PEX14: variants seen among roughly 807,000 people sequenced by gnomAD.
The protein encoded by PEX14 is peroxisomal membrane protein PEX14.
A neutral mutation model predicts 49.5 loss-of-function variants in PEX14; 15 were observed. The ratio of observed to expected loss-of-function variants is 0.30; its 90% confidence interval spans 0.20 to 0.47. The LOEUF (loss-of-function observed/expected upper bound fraction) is 0.47. PEX14 is among the 20% of genes least tolerant of loss of function. PEX14 has a pLI of 1.00. For missense variants in PEX14, 398 were observed against 494.8 expected, an observed-to-expected ratio of 0.80 and a Z score of 1.86; for synonymous variants, 210 against 212.7, an observed-to-expected ratio of 0.99 and a Z score of 0.11.
chr1:10,625,642 C>T (rs771326245), intron 7 of PEX14, among the ~76,000 whole-genome samples: 16 of 152,214 alleles, frequency 1.1e-4, no homozygotes, highest in African/African-American at 2.4e-4. Flanking sequence ...GTGTTCTCCA[C>T]GGGTGGCCGG....
intron 2 of PEX14, among the ~76,000 whole-genome samples, chr1:10,515,952 A>T (rs1321440572): frequency 6.6e-6 from 1 of 152,238 alleles, no homozygotes; most frequent in Non-Finnish European, 1.5e-5. Context: ...TAGCCATGCC[A>T]GGAAACAAGA....
intron 7 of PEX14, among the ~76,000 whole-genome samples, chr1:10,625,252 C>T (rs753188860): frequency 4.0e-4 from 61 of 152,230 alleles, no homozygotes; most frequent in Non-Finnish European, 8.4e-4. Context: ...ATCAGACAGA[C>T]CGGGCCCAGG....
At chr1:10,502,213 C>T (rs549849011) in intron 2 of PEX14, among the ~76,000 whole-genome samples, 3 of 152,236 alleles carry the variant, frequency 2.0e-5, no homozygotes, top group East Asian at 3.9e-4. Context: ...GTGAAGAAAA[C>T]GTTTTTAACA....
At chr1:10,510,878 A>G (rs1436981075) in intron 2 of PEX14, among the ~76,000 whole-genome samples, 4 of 152,230 alleles carry the variant, frequency 2.6e-5, no homozygotes, top group Admixed American at 2.0e-4. Flanking sequence ...AGCAACATAA[A>G]GAGGCCATTT....
intron 1 of PEX14, among the ~76,000 whole-genome samples, chr1:10,483,760 A>AC (rs34647980): frequency 0.61 from 92,190 of 151,200 alleles, 30,081 homozygotes; most frequent in East Asian, 0.8. Flanking sequence ...AACCACTACC[A>AC]CCCTAAACCT....
chr1:10,549,960 C>T (rs141447852), intron 3 of PEX14, among the ~76,000 whole-genome samples: 8 of 152,252 alleles, frequency 5.3e-5, no homozygotes, highest in African/African-American at 1.9e-4. Context: ...TCCATCCATC[C>T]ATCTTTCCAT....
At chr1:10,588,937 A>T (rs1419183512) in intron 3 of PEX14, among the ~76,000 whole-genome samples, 1 of 152,186 alleles carries the variant, frequency 6.6e-6, no homozygotes, top group African/African-American at 2.4e-5. Context: ...GAGGAAAAAA[A>T]ATTTGTGCAT....
chr1:10,571,906 A>T (rs551912738), intron 3 of PEX14, among the ~76,000 whole-genome samples: 1 of 152,230 alleles, frequency 6.6e-6, no homozygotes, highest in Non-Finnish European at 1.5e-5. Flanking sequence ...TTGAATGTTC[A>T]TAATCAGAAA....
At position 10,629,034 on chromosome 1, in the gene PEX14, TC is replaced by T. The variant is rs1244147142; in HGVS notation, c.678-496del. Among the ~76,000 whole-genome samples the T allele has an allele frequency of 6.6e-6, 1 of 152,258 alleles. No individual in the cohort carries two copies. The highest frequency in any genetic ancestry group is 1.5e-5 in the Non-Finnish European group (1 of 68,044). On this transcript the variant is annotated intron_variant, in intron 8 of 8. Transcript: ENST00000356607. This position sits in a 1 kb window ranked among gnomAD's most constrained non-coding sequence, Gnocchi z 8.5. Reference sequence around the variant, plus strand: ...CCACCGCCCTTTTGGTTCTGATGTGTCTGACCCCCTGCCAGTGGCCAGGGCT... The same window carrying T: ...CCACCGCCCTTTTGGTTCTGATGTGTTGACCCCCTGCCAGTGGCCAGGGCT...
At chr1:10,551,426 C>G (rs1397504407) in intron 3 of PEX14, among the ~76,000 whole-genome samples, 1 of 152,154 alleles carries the variant, frequency 6.6e-6, no homozygotes, top group East Asian at 1.9e-4. Flanking sequence ...TCTCCATTAG[C>G]GTGGATGTCA....
intron 3 of PEX14, among the ~76,000 whole-genome samples, chr1:10,570,415 C>T (rs1309981198): frequency 1.3e-5 from 2 of 152,176 alleles, no homozygotes; most frequent in Admixed American, 1.3e-4. Context: ...TCACTGCAAT[C>T]TCCACCTCCC....
At chr1:10,551,659 T>C (rs1375635355) in intron 3 of PEX14, among the ~76,000 whole-genome samples, 1 of 152,238 alleles carries the variant, frequency 6.6e-6, no homozygotes, top group Non-Finnish European at 1.5e-5. Context: ...CATGTGTAGT[T>C]AGTTCTCGCT....
At chr1:10,513,229 A>AT (rs1257592673) in intron 2 of PEX14, among the ~76,000 whole-genome samples, 10 of 128,846 alleles carry the variant, frequency 7.8e-5, no homozygotes, top group South Asian at 5.1e-4. Context: ...AGGATTCCAC[A>AT]TAGAATGCTG....
chr1:10,483,928 A>T (rs1189228937), intron 1 of PEX14, among the ~76,000 whole-genome samples: 1 of 102,366 alleles, frequency 9.8e-6, no homozygotes, highest in Non-Finnish European at 2.0e-5. Flanking sequence ...TTTCATATGA[A>T]TGAATTATGT....
intron 4 of PEX14, among the ~76,000 whole-genome samples, chr1:10,612,932 C>T (rs1034756208): frequency 6.6e-5 from 10 of 152,238 alleles, no homozygotes; most frequent in African/African-American, 1.9e-4. Flanking sequence ...GGGCTGGCCC[C>T]GTTTCTACCA....
At chr1:10,576,699 A>G (rs779501732) in intron 3 of PEX14, among the ~76,000 whole-genome samples, 13 of 150,516 alleles carry the variant, frequency 8.6e-5, no homozygotes, top group African/African-American at 3.2e-4. Context: ...AGGGATATCT[A>G]TTCTGTTTTT....
Position 10,536,291 on chromosome 1 carries a change from A to C in PEX14, c.163A>C (p.Lys55Gln), listed in dbSNP as rs753472251. 2.9e-5 allele frequency: 47 copies of C among 1,594,132 alleles called. No individual in the cohort carries two copies. The highest frequency in any genetic ancestry group is 3.9e-5 in the Non-Finnish European group (45 of 1,161,658). The change falls in exon 3 of 9, where the codon AAG becomes CAG. Residue 55 changes from lysine to glutamine, a missense_variant. Physicochemically the swap from Lys to Gln is moderately conservative, Grantham distance 53. Transcript: ENST00000356607. ...TGCAACCAGGAGAGCATTCCTAAAG[A>C]AGAAAGGTACAGGTTCCACAGGGCT... ...PLATRRAFLK[K>Q]KGLTDEEIDM...
rs1051143299 is a variant in PEX14 at position 10,628,234 on chromosome 1, G to C, written c.677+871G>C. Among the ~76,000 whole-genome samples the C allele has an allele frequency of 1.3e-5, 2 of 152,234 alleles. No homozygotes were observed. The highest frequency in any genetic ancestry group is 2.4e-5 in the African/African-American group (1 of 41,470). On this transcript the variant is annotated intron_variant, in intron 8 of 8. Coordinates refer to ENST00000356607, the MANE Select transcript of PEX14 (RefSeq NM_004565.3). The surrounding 1 kb of genome is among the most constrained non-coding windows in gnomAD (Gnocchi z 4.5). ...AGGTGTGAGCCACTGTGCCTGGACTGTTCTGGTTTTTTAAAACTGAAAGTC... is the reference window on the plus strand; with the variant it reads ...AGGTGTGAGCCACTGTGCCTGGACTCTTCTGGTTTTTTAAAACTGAAAGTC...
rs1641835494 is a variant in PEX14 at position 10,629,191 on chromosome 1, G to A, written c.678-340G>A. Reference sequence around the variant, plus strand: ...CTCCTGGCCACTGGGTTGGAGGCAGGGATGGTGCTGAGGATCAGAAGGAAG... The same window carrying A: ...CTCCTGGCCACTGGGTTGGAGGCAGAGATGGTGCTGAGGATCAGAAGGAAG... On this transcript the variant is annotated intron_variant, in intron 8 of 8. Transcript: ENST00000356607. The surrounding 1 kb of genome is among the most constrained non-coding windows in gnomAD (Gnocchi z 8.5). Among the ~76,000 whole-genome samples the A allele has an allele frequency of 6.6e-6, 1 of 152,248 alleles. No individual in the cohort carries two copies. Among genetic ancestry groups the A allele is most frequent in the South Asian group, 2.1e-4 (1 of 4,836 alleles).
Sources: allele counts gnomAD v4.1 joint callset (sites outside exome capture counted in the v4.1 genomes callset), GRCh38; gene constraint gnomAD v4.1.1; non-coding constraint Gnocchi (gnomAD v3.1); transcripts MANE v1.5; gene names NCBI Gene and HGNC (gene_info 2026-07-23, HGNC 2026-07-21).